EPHA6: variants seen among roughly 807,000 people sequenced by gnomAD.
EPHA6 encodes EPH receptor A6.
Under a neutral mutation model 112.0 loss-of-function variants are expected in EPHA6, and 50 were observed. The observed-to-expected ratio is 0.45, with a 90% confidence interval of 0.36 to 0.56. The LOEUF (loss-of-function observed/expected upper bound fraction) is 0.56. Ranked by LOEUF, EPHA6 falls within the 20% of genes least tolerant of loss-of-function variation. EPHA6 has a pLI of 0.00. For missense variants in EPHA6, 1,280 were observed against 1,417.4 expected, an observed-to-expected ratio of 0.90 and a Z score of 1.56; for synonymous variants, 529 against 490.7, an observed-to-expected ratio of 1.08 and a Z score of -1.03.
At chr3:97,337,064 A>C (rs1192203626) in intron 5 of EPHA6, among the ~76,000 whole-genome samples, 6 of 152,266 alleles carry the variant, frequency 3.9e-5, no homozygotes, top group Non-Finnish European at 5.9e-5. Context: ...CTTTAAAGAT[A>C]CTAGAATATC....
At chr3:97,216,048 C>T (rs938786892) in intron 3 of EPHA6, among the ~76,000 whole-genome samples, 2 of 152,106 alleles carry the variant, frequency 1.3e-5, no homozygotes, top group Non-Finnish European at 2.9e-5. Context: ...AAGTCAATGT[C>T]TGTATTAGGT....
At chr3:96,872,716 T>A (rs550262367) in intron 2 of EPHA6, among the ~76,000 whole-genome samples, 5 of 152,194 alleles carry the variant, frequency 3.3e-5, no homozygotes, top group Admixed American at 1.3e-4. Context: ...TCCTTGCTCC[T>A]CTATTCTTAA....
At position 97,759,539 on chromosome 3, in the gene EPHA6, G is replaced by GT. The variant is rs894500928; in HGVS notation, c.*10839dup. 1.7e-5 allele frequency: 4 copies of GT among 230,786 alleles called. No individual in the cohort carries two copies. The highest frequency in any genetic ancestry group is 3.4e-5 in the Non-Finnish European group (4 of 116,502). The allele number at this position is 230,786 out of a possible 1,614,324, so 14.3% of individuals were successfully genotyped here. ...TGATTATGCAAGAGAGATGATAATT[G>GT]TAACAAAGGCCTTGAGAGATAGAGG... On this transcript the variant is annotated 3_prime_UTR_variant, in exon 18 of 18. Coordinates refer to ENST00000389672, the MANE Select transcript of EPHA6 (RefSeq NM_001080448.3).
chr3:97,320,612 C>T (rs1346395434), intron 5 of EPHA6, among the ~76,000 whole-genome samples: 4 of 151,760 alleles, frequency 2.6e-5, no homozygotes, highest in Non-Finnish European at 5.9e-5. Context: ...CTGCATAGGT[C>T]CCCAAGACTT....
At chr3:97,186,104 C>G (rs2077125656) in intron 3 of EPHA6, among the ~76,000 whole-genome samples, 1 of 151,694 alleles carries the variant, frequency 6.6e-6, no homozygotes, top group Admixed American at 6.6e-5. Context: ...GGAGATATAC[C>G]TAATGTTAAA....
chr3:97,711,081 G>T (rs1266196802), intron 14 of EPHA6, among the ~76,000 whole-genome samples: 1 of 152,176 alleles, frequency 6.6e-6, no homozygotes, highest in Non-Finnish European at 1.5e-5. Context: ...GGAGGGAGCT[G>T]GTGGGAGGTG....
chr3:96,858,898 C>T lies in EPHA6; in HGVS notation c.386-7927C>T, dbSNP rs543055756. Reference sequence around the variant, plus strand: ...ATTCTGTGCTCAAAACAAATGTCCACTTCGATTTTATTTTTTCTAGAGACC... The same window carrying T: ...ATTCTGTGCTCAAAACAAATGTCCATTTCGATTTTATTTTTTCTAGAGACC... On this transcript the variant is annotated intron_variant, in intron 1 of 17. Coordinates refer to ENST00000389672, the MANE Select transcript of EPHA6 (RefSeq NM_001080448.3). Among the ~76,000 whole-genome samples the T allele has an allele frequency of 6.6e-5, 10 of 152,206 alleles. No individual in the cohort carries two copies. In the East Asian group the frequency reaches 1.7e-3, roughly 27 times the overall value.
At chr3:97,419,547 C>A (rs1346587178) in intron 6 of EPHA6, among the ~76,000 whole-genome samples, 1 of 151,960 alleles carries the variant, frequency 6.6e-6, no homozygotes, top group East Asian at 1.9e-4. Flanking sequence ...ATCGCTTGAA[C>A]CTGGGAGGCG....
chr3:96,884,305 T>C (rs932557406), intron 2 of EPHA6, among the ~76,000 whole-genome samples: 5 of 152,190 alleles, frequency 3.3e-5, no homozygotes, highest in African/African-American at 9.6e-5. Context: ...AGATTGCTTT[T>C]GGCAACATGG....
intron 3 of EPHA6, among the ~76,000 whole-genome samples, chr3:97,206,042 T>C (rs1041560999): frequency 6.6e-6 from 1 of 152,094 alleles, no homozygotes; most frequent in Non-Finnish European, 1.5e-5. Flanking sequence ...AATGATATGG[T>C]CAATATTATT....
chr3:97,723,501 C>A (rs1432620710), intron 15 of EPHA6, among the ~76,000 whole-genome samples: 1 of 152,164 alleles, frequency 6.6e-6, no homozygotes, highest in Non-Finnish European at 1.5e-5. Flanking sequence ...GAATAGAGTT[C>A]CAACATTAAG....
At chr3:97,691,133 G>A (rs373050415) in intron 14 of EPHA6, among the ~76,000 whole-genome samples, 87 of 152,264 alleles carry the variant, frequency 5.7e-4, no homozygotes, top group African/African-American at 2.0e-3. Flanking sequence ...TAAGTTAGGA[G>A]TCTAATTTTC....
chr3:96,817,136 A>G (rs1259930303), intron 1 of EPHA6, among the ~76,000 whole-genome samples: 1 of 151,978 alleles, frequency 6.6e-6, no homozygotes, highest in Non-Finnish European at 1.5e-5. Flanking sequence ...GTTAAATTGG[A>G]TAAAATTTAG....
chr3:97,146,786 T>G (rs2076053527), intron 3 of EPHA6, among the ~76,000 whole-genome samples: 1 of 151,982 alleles, frequency 6.6e-6, no homozygotes, highest in Non-Finnish European at 1.5e-5. Flanking sequence ...TTCTAATTGT[T>G]TCCCACTTCT....
intron 5 of EPHA6, among the ~76,000 whole-genome samples, chr3:97,300,627 A>C (rs1328209042): frequency 6.6e-6 from 1 of 152,110 alleles, no homozygotes; most frequent in Non-Finnish European, 1.5e-5. Context: ...TGCAGTTCTA[A>C]ATACCAGGAG....
Position 97,759,966 on chromosome 3 carries a change from A to C in EPHA6, c.*11265A>C, listed in dbSNP as rs2036117784. 5.2e-6 allele frequency: 1 copy of C among 192,314 alleles called. No individual in the cohort carries two copies. Among genetic ancestry groups the C allele is most frequent in the Non-Finnish European group, 1.1e-5 (1 of 91,910 alleles). 11.9% of individuals were successfully genotyped at this position (192,314 alleles called of 1,614,324 possible). ...GAGATTGAGAACTTCTCAATGCCAT[A>C]AATACTGTTTTCCTTATTTTCATCT... On this transcript the variant is annotated 3_prime_UTR_variant, in exon 18 of 18. Coordinates refer to ENST00000389672, the MANE Select transcript of EPHA6 (RefSeq NM_001080448.3).
chr3:97,219,784 T>A (rs1559806699), intron 3 of EPHA6, among the ~76,000 whole-genome samples: 1 of 152,352 alleles, frequency 6.6e-6, no homozygotes, highest in South Asian at 2.1e-4. Flanking sequence ...CAGCCAGCTT[T>A]AATTTCTCCC....
At chr3:96,898,291 T>C (rs1393279132) in intron 2 of EPHA6, among the ~76,000 whole-genome samples, 1 of 152,204 alleles carries the variant, frequency 6.6e-6, no homozygotes, top group Non-Finnish European at 1.5e-5. Flanking sequence ...ATTTGCAGTG[T>C]GACTTAAATA....
chr3:97,037,841 G>A (rs1203498482), intron 3 of EPHA6, among the ~76,000 whole-genome samples: 2 of 152,158 alleles, frequency 1.3e-5, no homozygotes, highest in Non-Finnish European at 2.9e-5. Context: ...AATAATGTTT[G>A]CAGAAGCATT....
Sources: allele counts gnomAD v4.1 joint callset (sites outside exome capture counted in the v4.1 genomes callset), GRCh38; gene constraint gnomAD v4.1.1; transcripts MANE v1.5; gene names NCBI Gene and HGNC (gene_info 2026-07-23, HGNC 2026-07-21).